BPIFC: variants seen among roughly 807,000 people sequenced by gnomAD.
BPIFC encodes the protein BPI fold containing family C, also known as BPI fold-containing family C protein.
BPIFC carries 60 observed loss-of-function variants against 57.6 expected under a neutral mutation model. The observed-to-expected ratio is 1.04, with a 90% CI of 0.85 to 1.29. The LOEUF (loss-of-function observed/expected upper bound fraction) is 1.29. BPIFC is among the 50% of genes most tolerant of loss of function. The pLI, the probability that BPIFC is intolerant of heterozygous loss-of-function variation, is 0.00. For synonymous variants in BPIFC, 243 were observed against 224.5 expected (o/e 1.08, Z -0.74); for missense variants, 581 against 600.5 (o/e 0.97, Z 0.34).
rs774600969 is a variant in BPIFC, at chr22:32,417,065, G to T, written c.1324+20C>A. On this transcript the variant is annotated intron_variant, in intron 15 of 16. Transcript: ENST00000300399. Reference sequence around the variant, plus strand: ...TGTTAGCCGATGTTACAGTCACATTGTTTTCCAATAATCCCTTACCATTGG... The same window carrying T: ...TGTTAGCCGATGTTACAGTCACATTTTTTTCCAATAATCCCTTACCATTGG... 1.9e-5 allele frequency: 30 copies of T among 1,568,716 alleles called. No homozygotes were observed. Among genetic ancestry groups the T allele is most frequent in the Non-Finnish European group, 2.5e-5 (29 of 1,139,154 alleles).
At chr22:32,431,318 GC>G (rs1415791847) in intron 13 of BPIFC, 28 bp downstream of exon 13, 9 of 1,577,324 alleles carry the variant, frequency 5.7e-6, no homozygotes, top group East Asian at 2.2e-5. Flanking sequence ...TTACTAAGGT[GC>G]CCCAACAGTC....
chr22:32,427,777 A>T (rs1191438179), intron 13 of BPIFC, among the ~76,000 whole-genome samples: 1 of 152,176 alleles, frequency 6.6e-6, no homozygotes, highest in Non-Finnish European at 1.5e-5. Context: ...TCACGAGGTC[A>T]AAAGATCAAG....
intron 8 of BPIFC, among the ~76,000 whole-genome samples, chr22:32,439,324 TAA>T (rs113366027): frequency 1.9e-4 from 27 of 145,880 alleles, no homozygotes; most frequent in African/African-American, 6.0e-4. Flanking sequence ...AAACTCCGTC[TAA>T]AAAAAAAAAA....
chr22:32,462,298 A>G (rs182158268), intron 1 of BPIFC, among the ~76,000 whole-genome samples: 28 of 152,204 alleles, frequency 1.8e-4, no homozygotes, highest in African/African-American at 6.0e-4. Context: ...ACTGTGTGCA[A>G]ATTAAGGCAG....
chr22:32,435,106 A>T (rs1226696288), intron 10 of BPIFC, among the ~76,000 whole-genome samples: 3 of 152,216 alleles, frequency 2.0e-5, no homozygotes, highest in Non-Finnish European at 4.4e-5. Context: ...CTCTATGAGT[A>T]AGGAACTATT....
chr22:32,444,173 G>C (rs1398037871), intron 7 of BPIFC, among the ~76,000 whole-genome samples: 2 of 152,160 alleles, frequency 1.3e-5, no homozygotes, highest in Non-Finnish European at 2.9e-5. Flanking sequence ...GAGGCAAAAG[G>C]ACCGTGCCTC....
At chr22:32,454,444 TG>T (rs1272923937) in intron 3 of BPIFC, among the ~76,000 whole-genome samples, 2 of 152,212 alleles carry the variant, frequency 1.3e-5, no homozygotes, top group Non-Finnish European at 2.9e-5. Flanking sequence ...CGACTGCTTT[TG>T]TTTCATCCTG....
chr22:32,428,271 G>A (rs983232969), intron 13 of BPIFC, among the ~76,000 whole-genome samples: 42 of 74,176 alleles, frequency 5.7e-4, no homozygotes, highest in Admixed American at 3.5e-3. Flanking sequence ...GTGTGTGTGC[G>A]CGCGCGTGTG....
rs565424741 is a variant in BPIFC, at chr22:32,415,974, A to T, written c.1342T>A (p.Phe448Ile). Residue 448 changes from phenylalanine to isoleucine, a missense_variant, in exon 16 of 17, where the codon TTT becomes ATT. Phe to Ile is a conservative substitution (Grantham distance 21). Transcript: ENST00000300399. ...AATTTGTGTGGATTGGACAGAGGAA[A>T]TCCTTGCTGCAATTTTGCTAAAATA... is the stretch of plus-strand genomic sequence containing the variant. Reference protein sequence around the residue: ...PLANAKLQQGFPLSNPHKFLF... With the variant: ...PLANAKLQQGIPLSNPHKFLF... 6.3e-7 allele frequency: 1 copy of T among 1,586,666 alleles called. No homozygotes were observed. Among genetic ancestry groups the T allele is most frequent in the South Asian group, 1.2e-5 (1 of 86,864 alleles).
intron 10 of BPIFC, among the ~76,000 whole-genome samples, 160 bp downstream of exon 10, chr22:32,435,544 T>C (rs187288644): frequency 8.5e-5 from 13 of 152,140 alleles, no homozygotes; most frequent in Non-Finnish European, 1.5e-5. Flanking sequence ...CCCGTAACAA[T>C]GTTCACTCCA....
intron 4 of BPIFC, among the ~76,000 whole-genome samples, chr22:32,448,163 G>A (rs1395160977): frequency 6.6e-6 from 1 of 151,912 alleles, no homozygotes; most frequent in African/African-American, 2.4e-5. Flanking sequence ...CCGCCTCCTG[G>A]GTTCAAGGGA....
In BPIFC at chr22:32,414,468, A is replaced by G. The variant is rs1477280702; in HGVS notation, c.1402-43T>C. 11 of 1,605,238 alleles carry G rather than the reference A, an allele frequency of 6.9e-6. No individual in the cohort carries two copies. In the Admixed American group the frequency reaches 1.5e-4, roughly 22 times the overall value. On this transcript the variant is annotated intron_variant, in intron 16 of 16. Transcript: ENST00000300399. ...ATGAAGATAACGTCAAAACTTGGGC[A>G]TGTCTGGGTTTGTCTGAGGCGTGAG...
chr22:32,454,825 G>A (rs1934993572), intron 3 of BPIFC, among the ~76,000 whole-genome samples: 1 of 152,136 alleles, frequency 6.6e-6, no homozygotes, highest in African/African-American at 2.4e-5. Context: ...TGAATAGCTT[G>A]TGTGACTCTG....
At chr22:32,457,548 A>ACCAT (rs1935068431) in intron 2 of BPIFC, among the ~76,000 whole-genome samples, 162 bp from the exon 3 acceptor site, 2 of 140,900 alleles carry the variant, frequency 1.4e-5, no homozygotes, top group African/African-American at 5.8e-5. Flanking sequence ...CATCCATCCA[A>ACCAT]CCATCCATCC....
At position 32,432,546 on chromosome 22, in the gene BPIFC, G is replaced by T. The variant is rs756302389; in HGVS notation, c.979-3C>A. On this transcript the variant is annotated splice_polypyrimidine_tract_variant and splice_region_variant and intron_variant, in intron 11 of 16. Coordinates refer to ENST00000300399, the MANE Select transcript of BPIFC (RefSeq NM_174932.3). ...GACAAGATGTAGATCTCTGCAATCT[G>T]CCCACATTCCGAGAAAGAAATAAAG... 3.7e-6 allele frequency: 6 copies of T among 1,611,980 alleles called. No individual in the cohort carries two copies. The highest frequency in any genetic ancestry group is 4.5e-5 in the East Asian group (2 of 44,796).
intron 4 of BPIFC, among the ~76,000 whole-genome samples, chr22:32,451,524 C>T (rs1466406475): frequency 6.6e-6 from 1 of 152,076 alleles, no homozygotes; most frequent in African/African-American, 2.4e-5. Context: ...AGGGGAATAT[C>T]ACACACCGGG....
At chr22:32,450,551 A>G (rs1934867331) in intron 4 of BPIFC, among the ~76,000 whole-genome samples, 1 of 152,178 alleles carries the variant, frequency 6.6e-6, no homozygotes, top group African/African-American at 2.4e-5. Context: ...TATGTAAAAC[A>G]TTGTCATATG....
chr22:32,447,490 T>C, intron 4 of BPIFC, 150 bp from the exon 5 acceptor site: 1 of 893,500 alleles, frequency 1.1e-6, no homozygotes, highest in Non-Finnish European at 1.6e-6. Flanking sequence ...AGGCTGTCTC[T>C]GGGGAACTGC....
rs16990421 is a variant in BPIFC at position 32,415,897 on chromosome 22, T to C, written c.1401+18A>G. The C allele has an allele frequency of 3.6e-3, 5,528 of 1,528,080 alleles. 195 individuals are homozygous for C. The African/African-American group carries it at 0.07, about 19-fold the overall frequency. 94.7% of individuals were successfully genotyped at this position (1,528,080 alleles called of 1,614,324 possible). A position where few individuals can be genotyped will look rare whatever the true frequency, so the allele number is the denominator to read the frequency against. ...AAAAAGAAATGGGTCAGTTAAGAGGTGAGATTTGCATTCTTACCTCAAGAA... is the reference window on the plus strand; with the variant it reads ...AAAAAGAAATGGGTCAGTTAAGAGGCGAGATTTGCATTCTTACCTCAAGAA... On this transcript the variant is annotated intron_variant, in intron 16 of 16. Transcript: ENST00000300399.
Sources: gnomAD v4.1 joint callset for allele counts (sites outside exome capture counted in the v4.1 genomes callset) on GRCh38, gnomAD v4.1.1 for gene constraint, MANE v1.5 for transcripts, NCBI Gene and HGNC (gene_info 2026-07-23, HGNC 2026-07-21) for gene names.